SDK1: variants seen among roughly 807,000 people sequenced by gnomAD.
The protein encoded by SDK1 is protein sidekick-1.
A neutral mutation model predicts 245.5 loss-of-function variants in SDK1; 157 were observed. The observed-to-expected ratio is 0.64, with a 90% CI of 0.56 to 0.73. SDK1 has a LOEUF of 0.73. Ranked by LOEUF, SDK1 falls within the 30% of genes least tolerant of loss-of-function variation. The pLI is 0.00. For missense variants in SDK1, 3,583 were observed against 3,002.3 expected (o/e 1.19, Z -4.52); for synonymous variants, 1,647 against 1,278.5 (o/e 1.29, Z -6.15).
At chr7:3,333,484 C>G (rs1057254059) in intron 1 of SDK1, among the ~76,000 whole-genome samples, 1 of 152,116 alleles carries the variant, frequency 6.6e-6, no homozygotes, top group Non-Finnish European at 1.5e-5. Flanking sequence ...CTGTCTGTGT[C>G]TCTCATTATC....
intron 14 of SDK1, among the ~76,000 whole-genome samples, chr7:4,009,777 T>A (rs1785790654): frequency 6.6e-6 from 1 of 152,242 alleles, no homozygotes; most frequent in South Asian, 2.1e-4. Context: ...GACACCTCTG[T>A]GTGAGGCAAC....
At chr7:3,606,748 G>A (rs909646707) in intron 1 of SDK1, among the ~76,000 whole-genome samples, 2 of 151,836 alleles carry the variant, frequency 1.3e-5, no homozygotes, top group Non-Finnish European at 2.9e-5. Flanking sequence ...TTCTTCCCCA[G>A]ATTTCTTTTT....
intron 41 of SDK1, among the ~76,000 whole-genome samples, chr7:4,234,792 G>T (rs1430653618): frequency 1.3e-5 from 2 of 152,144 alleles, no homozygotes; most frequent in Non-Finnish European, 2.9e-5. Context: ...CCAGGGCGCT[G>T]GGGGGTTCAG....
At chr7:3,663,081 A>T (rs1238256018) in intron 4 of SDK1, among the ~76,000 whole-genome samples, 4 of 152,178 alleles carry the variant, frequency 2.6e-5, no homozygotes, top group Non-Finnish European at 4.4e-5. Context: ...TTGGACTTTG[A>T]AGGAGTGCAT....
chr7:3,788,094 C>T (rs931633832), intron 4 of SDK1, among the ~76,000 whole-genome samples: 2 of 152,160 alleles, frequency 1.3e-5, no homozygotes, highest in East Asian at 1.9e-4. Flanking sequence ...CCCCACCTCC[C>T]GGCCCGGGAC....
intron 1 of SDK1, among the ~76,000 whole-genome samples, chr7:3,444,292 A>G (rs1009515052): frequency 3.3e-5 from 5 of 152,108 alleles, no homozygotes; most frequent in African/African-American, 4.8e-5. Flanking sequence ...CCTGTTGGAC[A>G]TCTCCACTTG....
At chr7:4,247,540 G>A (rs377484293) in intron 44 of SDK1, among the ~76,000 whole-genome samples, 2 of 152,218 alleles carry the variant, frequency 1.3e-5, no homozygotes, top group African/African-American at 2.4e-5. Context: ...GGCAGCCTTC[G>A]AGCAGGACAG....
chr7:3,959,122 G>C, intron 8 of SDK1, 108 bp downstream of exon 8: 2 of 857,316 alleles, frequency 2.3e-6, no homozygotes, highest in Non-Finnish European at 4.0e-6. Flanking sequence ...GAGTGTGATG[G>C]CGAAGAGCAG....
At chr7:3,984,296 T>G (rs1245994494) in intron 13 of SDK1, among the ~76,000 whole-genome samples, 1 of 152,048 alleles carries the variant, frequency 6.6e-6, no homozygotes, top group Non-Finnish European at 1.5e-5. Context: ...TTTAAGTGAG[T>G]GTCTGCAAAG....
At chr7:3,928,342 T>A (rs1416470344) in intron 5 of SDK1, among the ~76,000 whole-genome samples, 1 of 152,220 alleles carries the variant, frequency 6.6e-6, no homozygotes, top group Non-Finnish European at 1.5e-5. Flanking sequence ...AATAGTATTA[T>A]TTAGTTTAAA....
At chr7:4,217,503 CGG>C (rs1784892244) in intron 38 of SDK1, among the ~76,000 whole-genome samples, 1 of 113,592 alleles carries the variant, frequency 8.8e-6, no homozygotes, top group East Asian at 2.6e-4. Context: ...CCACACCACC[CGG>C]AGCACCACAC....
chr7:3,416,566 T>G (rs948424705), intron 1 of SDK1, among the ~76,000 whole-genome samples: 1 of 151,772 alleles, frequency 6.6e-6, no homozygotes, highest in African/African-American at 2.4e-5. Context: ...ATAAGGAGAT[T>G]AGGGAGGTGT....
intron 1 of SDK1, among the ~76,000 whole-genome samples, chr7:3,608,784 A>G (rs77345636): frequency 0.031 from 4,762 of 152,344 alleles, 223 homozygotes; most frequent in African/African-American, 0.1. Context: ...ATGCGGTTTC[A>G]GAGTCCGCGT....
At position 4,078,609 on chromosome 7, in the gene SDK1, A is replaced by G. The variant is rs888466617; in HGVS notation, c.3203-854A>G. Among the ~76,000 whole-genome samples, 12 of 152,190 alleles carry G rather than the reference A, an allele frequency of 7.9e-5. No individual in the cohort carries two copies. In the East Asian group the frequency reaches 2.3e-3, roughly 29 times the overall value. Reference sequence around the variant, plus strand: ...GGTCTGAAAGCTGCCCTAGCCTTGCATTTTTCTTTTCTTTTTCTTCCCCAT... The same window carrying G: ...GGTCTGAAAGCTGCCCTAGCCTTGCGTTTTTCTTTTCTTTTTCTTCCCCAT... On this transcript the variant is annotated intron_variant, in intron 21 of 44. Coordinates refer to ENST00000404826, the MANE Select transcript of SDK1 (RefSeq NM_152744.4).
At chr7:4,221,490 G>A (rs1584478047) in intron 40 of SDK1, 126 bp downstream of exon 40, 2 of 1,263,766 alleles carry the variant, frequency 1.6e-6, no homozygotes, top group African/African-American at 3.0e-5. Flanking sequence ...GACCAAGAGG[G>A]CGGTTTTGGT....
At chr7:3,316,626 TG>T (rs1779668682) in intron 1 of SDK1, among the ~76,000 whole-genome samples, 1 of 152,226 alleles carries the variant, frequency 6.6e-6, no homozygotes, top group African/African-American at 2.4e-5. Flanking sequence ...ATCACAGAAA[TG>T]TGCCACTTTC....
intron 13 of SDK1, among the ~76,000 whole-genome samples, chr7:3,985,808 G>A (rs1783785063): frequency 6.6e-6 from 1 of 152,164 alleles, no homozygotes. Flanking sequence ...GGTTAGAGCT[G>A]TTTCTTGGGG....
chr7:3,353,462 T>A (rs1780713124), intron 1 of SDK1, among the ~76,000 whole-genome samples: 1 of 152,214 alleles, frequency 6.6e-6, no homozygotes, highest in Non-Finnish European at 1.5e-5. Context: ...TGAGCTGAGT[T>A]ACATTTATAC....
chr7:3,709,896 C>T (rs546946934), intron 4 of SDK1, among the ~76,000 whole-genome samples: 1 of 152,340 alleles, frequency 6.6e-6, no homozygotes, highest in Non-Finnish European at 1.5e-5. Context: ...GCCCCAGCTG[C>T]AAGATGGGCT....
Sources: gnomAD v4.1 joint callset for allele counts (sites outside exome capture counted in the v4.1 genomes callset) on GRCh38, gnomAD v4.1.1 for gene constraint, MANE v1.5 for transcripts, NCBI Gene and HGNC (gene_info 2026-07-23, HGNC 2026-07-21) for gene names.